MTAP: variants seen among roughly 807,000 people sequenced by gnomAD.
The protein encoded by MTAP is methylthioadenosine phosphorylase, also known as S-methyl-5'-thioadenosine phosphorylase.
A neutral mutation model predicts 33.6 loss-of-function variants in MTAP; 33 were observed. That is an observed-to-expected ratio of 0.98 (90% CI 0.74 to 1.31). The LOEUF is 1.31. MTAP is among the 40% of genes most tolerant of loss of function. MTAP has a pLI of 0.00. For synonymous variants in MTAP, 148 were observed against 125.7 expected (o/e 1.18, Z -1.19); for missense variants, 367 against 360.0 (o/e 1.02, Z -0.16).
chr9:21,832,341 A>G (rs1235465371), intron 4 of MTAP, among the ~76,000 whole-genome samples: 15 of 152,224 alleles, frequency 9.9e-5, no homozygotes, highest in Admixed American at 9.2e-4. Context: ...GTATTTGATC[A>G]TTCTCTTTCT....
downstream of MTAP, chr9:21,940,983 A>G (rs1819129148): frequency 1.0e-6 from 1 of 985,190 alleles, no homozygotes; most frequent in African/African-American, 1.7e-5. Flanking sequence ...GACAACTTTC[A>G]AAGTGAGTTG....
chr9:21,899,970 T>C (rs908603582), intron 1 of MTAP, among the ~76,000 whole-genome samples: 1 of 152,156 alleles, frequency 6.6e-6, no homozygotes, highest in Non-Finnish European at 1.5e-5. Flanking sequence ...GATAACTGGC[T>C]AGCCATATAC....
At chr9:21,814,828 A>T (rs945404802) in intron 1 of MTAP, among the ~76,000 whole-genome samples, 7 of 152,230 alleles carry the variant, frequency 4.6e-5, no homozygotes, top group African/African-American at 1.7e-4. Context: ...ACATATATGA[A>T]TGATTGTTTT....
rs887565942 is a variant in MTAP, at chr9:21,826,683, C to T, written c.347+8481C>T. On this transcript the variant is annotated intron_variant, in intron 4 of 7. Transcript: ENST00000644715. ...ACAAGTAATATATATTGTTCCTTTA[C>T]CCCCCCAAAAAAACAACAATAATAG... Among the ~76,000 whole-genome samples, 8 of 149,898 alleles carry T rather than the reference C, an allele frequency of 5.3e-5. 1 individual carries two copies. Among genetic ancestry groups the T allele is most frequent in the Non-Finnish European group, 1.0e-4 (7 of 67,336 alleles).
chr9:21,871,667 T>G (rs1030837457), downstream of MTAP, among the ~76,000 whole-genome samples: 1 of 152,340 alleles, frequency 6.6e-6, no homozygotes, highest in East Asian at 1.9e-4. Context: ...TATAGAAGTT[T>G]TAGCCATCCT....
intron 5 of MTAP, among the ~76,000 whole-genome samples, chr9:21,840,690 G>C (rs539996110): frequency 6.6e-6 from 1 of 152,324 alleles, no homozygotes; most frequent in South Asian, 2.1e-4. Context: ...AGTGATGGCA[G>C]GGCGAAGGAA....
At chr9:21,842,000 G>GT (rs778908488) in intron 5 of MTAP, among the ~76,000 whole-genome samples, 2 of 152,070 alleles carry the variant, frequency 1.3e-5, no homozygotes, top group African/African-American at 2.4e-5. Flanking sequence ...GCAGAGAAAG[G>GT]TAAAAACCAG....
chr9:21,846,705 T>C (rs1182380726), intron 5 of MTAP, among the ~76,000 whole-genome samples: 1 of 152,192 alleles, frequency 6.6e-6, no homozygotes, highest in Admixed American at 6.5e-5. Context: ...AGAACTACCA[T>C]GTGATCCAGC....
chr9:21,886,802 T>A (rs934564471), intron 1 of MTAP, among the ~76,000 whole-genome samples: 11 of 152,226 alleles, frequency 7.2e-5, no homozygotes, highest in Admixed American at 4.6e-4. Flanking sequence ...TATGTGTGCC[T>A]GTTTTTATAC....
intron 1 of MTAP, among the ~76,000 whole-genome samples, chr9:21,878,195 G>C (rs1295620170): frequency 6.6e-6 from 1 of 151,858 alleles, no homozygotes; most frequent in Non-Finnish European, 1.5e-5. Flanking sequence ...TGGGGTCATT[G>C]GTAATGTCTC....
chr9:21,905,383 C>A (rs182341721), intron 1 of MTAP, among the ~76,000 whole-genome samples: 2 of 151,758 alleles, frequency 1.3e-5, no homozygotes, highest in African/African-American at 2.4e-5. Flanking sequence ...TCCCTGCCCC[C>A]CTCCCTGTAT....
chr9:21,818,682 ATG>A (rs1315751506), intron 4 of MTAP, among the ~76,000 whole-genome samples: 1 of 152,210 alleles, frequency 6.6e-6, no homozygotes, highest in African/African-American at 2.4e-5. Context: ...CAAATGATAA[ATG>A]TATATATGAG....
At chr9:21,916,246 T>A (rs533898207) in intron 1 of MTAP, among the ~76,000 whole-genome samples, 8 of 152,316 alleles carry the variant, frequency 5.3e-5, no homozygotes, top group African/African-American at 1.9e-4. Context: ...TTTGCAGATG[T>A]AATCAGTTAA....
chr9:21,806,049 A>G (rs1197766524), intron 1 of MTAP, among the ~76,000 whole-genome samples: 1 of 152,178 alleles, frequency 6.6e-6, no homozygotes, highest in Non-Finnish European at 1.5e-5. Flanking sequence ...GTAGACCGCG[A>G]TCAAGAATTT....
At chr9:21,904,667 A>T (rs886853656) in intron 1 of MTAP, among the ~76,000 whole-genome samples, 4 of 152,202 alleles carry the variant, frequency 2.6e-5, no homozygotes, top group African/African-American at 9.7e-5. Flanking sequence ...GGGCAAAAAG[A>T]GATTTATCTG....
At chr9:21,908,349 C>T (rs1818507238) in intron 1 of MTAP, among the ~76,000 whole-genome samples, 1 of 152,030 alleles carries the variant, frequency 6.6e-6, no homozygotes, top group Non-Finnish European at 1.5e-5. Flanking sequence ...ATATGTGTAA[C>T]CATTCACTTG....
chr9:21,929,540 A>G (rs889606354), intron 1 of MTAP: 10 of 332,836 alleles, frequency 3.0e-5, no homozygotes, highest in Non-Finnish European at 6.3e-5. Flanking sequence ...GAAAAAGCTC[A>G]GCAATTGCTC....
chr9:21,816,367 T>C (rs192799929), intron 2 of MTAP, among the ~76,000 whole-genome samples: 1 of 152,340 alleles, frequency 6.6e-6, no homozygotes, highest in Admixed American at 6.5e-5. Context: ...TTATCCTTTC[T>C]GCCTTTCACC....
At chr9:21,920,662 A>C (rs1365734648) in intron 1 of MTAP, among the ~76,000 whole-genome samples, 1 of 152,226 alleles carries the variant, frequency 6.6e-6, no homozygotes, top group Non-Finnish European at 1.5e-5. Flanking sequence ...CTTTCTGAGC[A>C]AACAATATGG....
Sources: allele counts gnomAD v4.1 joint callset (sites outside exome capture counted in the v4.1 genomes callset), GRCh38; gene constraint gnomAD v4.1.1; transcripts MANE v1.5; gene names NCBI Gene and HGNC (gene_info 2026-07-23, HGNC 2026-07-21).